Variants in HTRA3 observed in about 807,000 individuals in gnomAD.
HTRA3 encodes serine protease HTRA3.
In HTRA3, 41 loss-of-function variants were observed where a neutral mutation model predicts 43.2. The ratio of observed to expected loss-of-function variants is 0.95; its 90% CI spans 0.74 to 1.23. The LOEUF is 1.23. Among genes scored for constraint, HTRA3 ranks in the 50% most tolerant of loss-of-function variants. The probability of loss-of-function intolerance (pLI) is 0.00; values close to 1 mark genes in which losing one functional copy is unlikely to be tolerated. For missense variants in HTRA3, 628 were observed against 647.1 expected (o/e 0.97, Z 0.32); for synonymous variants, 295 against 287.9 (o/e 1.02, Z -0.25).
intron 5 of HTRA3, among the ~76,000 whole-genome samples, chr4:8,292,889 A>G (rs1325425048): frequency 6.6e-6 from 1 of 152,214 alleles, no homozygotes; most frequent in Non-Finnish European, 1.5e-5. Context: ...CCCAAGCACC[A>G]TGTGAGCCAC....
At chr4:8,289,620 C>T (rs375661250) in intron 3 of HTRA3, among the ~76,000 whole-genome samples, 3 of 152,250 alleles carry the variant, frequency 2.0e-5, no homozygotes, top group African/African-American at 7.2e-5. Context: ...TAGTGTGATT[C>T]ATGTCCTGCA....
rs192369292 is a variant in HTRA3, at chr4:8,288,853, G to A, written c.708+2070G>A. Among the ~76,000 whole-genome samples, 10 of 149,496 alleles carry A rather than the reference G, an allele frequency of 6.7e-5. No individual in the cohort carries two copies. The East Asian group carries it at 2.0e-3, about 30-fold the overall frequency. Reference sequence around the variant, plus strand: ...CCCAAAGTGCTAGGATTACAGGAATGAGCCACTGCACCCCACCCCCAAATT... The same window carrying A: ...CCCAAAGTGCTAGGATTACAGGAATAAGCCACTGCACCCCACCCCCAAATT... On this transcript the variant is annotated intron_variant, in intron 3 of 8. Transcript: ENST00000307358.
At chr4:8,290,710 G>C (rs1713198605) in intron 3 of HTRA3, among the ~76,000 whole-genome samples, 2 of 152,226 alleles carry the variant, frequency 1.3e-5, no homozygotes, top group South Asian at 2.1e-4. Context: ...CACAGAGCTT[G>C]GCTGTTCTCC....
Position 8,286,445 on chromosome 4 carries a change from G to T in HTRA3, c.486-116G>T. 1.2e-6 allele frequency: 1 copy of T among 842,740 alleles called. No homozygotes were observed. 52.2% of individuals were successfully genotyped at this position (842,740 alleles called of 1,614,324 possible). A position where few individuals can be genotyped will look rare whatever the true frequency, so the allele number is the denominator to read the frequency against. On this transcript the variant is annotated intron_variant, in intron 2 of 8. Coordinates refer to ENST00000307358, the MANE Select transcript of HTRA3 (RefSeq NM_053044.5). The surrounding 1 kb of genome is among the most constrained non-coding windows in gnomAD (Gnocchi z 4.9). ...TGGGAGCTTGAGGGACTCCAGACCT[G>T]TGTTCTGTCAGCCACACACTGGCTC...
intron 6 of HTRA3, among the ~76,000 whole-genome samples, chr4:8,298,454 T>C (rs1713531300): frequency 6.6e-6 from 1 of 152,232 alleles, no homozygotes; most frequent in Non-Finnish European, 1.5e-5. Flanking sequence ...GTCTGTGGCT[T>C]GTCTTTTTCA....
At chr4:8,303,776 C>CCGTTCCGTGACTCAGCATTGTCTGTA (rs1277644362) in intron 7 of HTRA3, among the ~76,000 whole-genome samples, 3 of 152,062 alleles carry the variant, frequency 2.0e-5, no homozygotes, top group African/African-American at 7.2e-5. Context: ...CATTGTCTGT[C>CCGTTCCGTGACTCAGCATTGTCTGTA]CGTTCCGTGA....
chr4:8,299,559 TG>T, intron 6 of HTRA3, among the ~76,000 whole-genome samples: 1 of 152,318 alleles, frequency 6.6e-6, no homozygotes, highest in Non-Finnish European at 1.5e-5. Flanking sequence ...TTCGTGATCT[TG>T]GGGAGAAAAC....
intron 1 of HTRA3, among the ~76,000 whole-genome samples, chr4:8,281,374 CTGGGTGGG>C (rs1207254958): frequency 6.6e-6 from 1 of 152,092 alleles, no homozygotes; most frequent in Non-Finnish European, 1.5e-5. Context: ...GCCAAGGTGG[CTGGGTGGG>C]TGGGTAGCCC....
chr4:8,270,087 C>T lies in HTRA3; in HGVS notation c.119C>T (p.Pro40Leu), dbSNP rs751713751. Reference sequence around the variant, plus strand: ...TCGCGGTGTCCCAGCCCCCGCTGCCCCGGCGGCTACGTGCCCGACCTCTGC... The same window carrying T: ...TCGCGGTGTCCCAGCCCCCGCTGCCTCGGCGGCTACGTGCCCGACCTCTGC... Reference protein sequence around the residue: ...DVSRCPSPRCPGGYVPDLCNC... With the variant: ...DVSRCPSPRCLGGYVPDLCNC... Residue 40 changes from proline to leucine, a missense_variant, in exon 1 of 9, where the codon CCC becomes CTC. Transcript: ENST00000307358. 6.5e-7 allele frequency: 1 copy of T among 1,529,904 alleles called. No homozygotes were observed. The highest frequency in any genetic ancestry group is 8.7e-7 in the Non-Finnish European group (1 of 1,150,050). The allele number at this position is 1,529,904 out of a possible 1,614,324, so 94.8% of individuals were successfully genotyped here.
At chr4:8,290,414 C>G (rs1713187487) in intron 3 of HTRA3, among the ~76,000 whole-genome samples, 1 of 152,262 alleles carries the variant, frequency 6.6e-6, no homozygotes, top group Non-Finnish European at 1.5e-5. Context: ...GCATGGGGTC[C>G]TGCCCCACTG....
intron 2 of HTRA3, among the ~76,000 whole-genome samples, chr4:8,285,051 C>T (rs1399212894): frequency 6.6e-6 from 1 of 152,110 alleles, no homozygotes; most frequent in Non-Finnish European, 1.5e-5. Flanking sequence ...TAGTGTTTTC[C>T]GCAGTCCTTG....
At position 8,297,518 on chromosome 4, in the gene HTRA3, G is replaced by A. The variant is rs139280746; in HGVS notation, c.1051+3317G>A. 3.8e-4 allele frequency among the ~76,000 whole-genome samples: 58 copies of A among 152,278 alleles called. No homozygotes were observed. Among genetic ancestry groups the A allele is most frequent in the African/African-American group, 1.4e-3 (57 of 41,562 alleles). ...ACGCCCCCAGATGCCACAGATCAAA[G>A]TGAGGGGTGCTGGGAGGAGGCTGGG... is the stretch of plus-strand genomic sequence containing the variant. On this transcript the variant is annotated intron_variant, in intron 6 of 8. Coordinates refer to ENST00000307358, the MANE Select transcript of HTRA3 (RefSeq NM_053044.5). The surrounding 1 kb of genome is among the most constrained non-coding windows in gnomAD (Gnocchi z 5.8).
intron 1 of HTRA3, among the ~76,000 whole-genome samples, chr4:8,280,712 G>A (rs114297904): frequency 0.011 from 1,698 of 148,972 alleles, 32 homozygotes; most frequent in African/African-American, 0.04. Flanking sequence ...GCAGTGGTTT[G>A]ATCTATGAGG....
Position 8,286,660 on chromosome 4 carries a change from C to A in HTRA3, c.585C>A (p.Ser195Arg), listed in dbSNP as rs375393668. 4 of 1,614,084 alleles carry A rather than the reference C, an allele frequency of 2.5e-6. No homozygotes were observed. Among genetic ancestry groups the A allele is most frequent in the Non-Finnish European group, 3.4e-6 (4 of 1,180,050 alleles). Reference protein sequence around the residue: ...LIITNAHVVSSNSAAPGRQQL... With the variant: ...LIITNAHVVSRNSAAPGRQQL... ...TCACCAATGCCCACGTGGTGTCCAG[C>A]AACAGTGCTGCCCCGGGCAGGCAGC... The change falls in exon 3 of 9, where the codon AGC becomes AGA. Residue 195 changes from serine (S) to arginine (R), a missense_variant. Ser to Arg is a moderately radical substitution (Grantham distance 110, BLOSUM62 -1). Coordinates refer to ENST00000307358, the MANE Select transcript of HTRA3 (RefSeq NM_053044.5). This position sits in a 1 kb window ranked among gnomAD's most constrained non-coding sequence, Gnocchi z 4.9.
intron 3 of HTRA3, 24 bp from the exon 4 acceptor site, chr4:8,291,344 CTG>C (rs1314231239): frequency 1.2e-6 from 2 of 1,603,702 alleles, no homozygotes; most frequent in Non-Finnish European, 1.7e-6. Flanking sequence ...GCCTCCCTCT[CTG>C]TGTCTTCTCC....
At position 8,306,339 on chromosome 4, in the gene HTRA3, G is replaced by T. The variant is rs1052083219; in HGVS notation, c.*203G>T. 3 of 560,690 alleles carry T rather than the reference G, an allele frequency of 5.4e-6. No homozygotes were observed. Among genetic ancestry groups the T allele is most frequent in the Non-Finnish European group, 9.3e-6 (3 of 322,562 alleles). The allele number at this position is 560,690 out of a possible 1,614,324, so 34.7% of individuals were successfully genotyped here. The stretch of plus-strand genomic sequence containing the variant: ...TGTTGGATCCACATCCCGGTGCCGG[G>T]GAGGGAAGCCCAACATCCCCTTGTA... On this transcript the variant is annotated 3_prime_UTR_variant, in exon 9 of 9. Transcript: ENST00000307358. The surrounding 1 kb of genome is among the most constrained non-coding windows in gnomAD (Gnocchi z 8.9).
chr4:8,284,055 A>G (rs944610536), intron 2 of HTRA3, among the ~76,000 whole-genome samples: 14 of 152,106 alleles, frequency 9.2e-5, no homozygotes, highest in Admixed American at 6.5e-4. Flanking sequence ...TCAGCATCAC[A>G]TCCTCCACAC....
chr4:8,273,034 C>T (rs569366094), intron 1 of HTRA3, among the ~76,000 whole-genome samples: 15 of 152,342 alleles, frequency 9.8e-5, no homozygotes, highest in South Asian at 4.1e-4. Context: ...TCATTTCCCA[C>T]GGCAAGCCTG....
intron 1 of HTRA3, among the ~76,000 whole-genome samples, chr4:8,276,645 C>T (rs1246543660): frequency 2.6e-5 from 4 of 152,256 alleles, no homozygotes; most frequent in Non-Finnish European, 5.9e-5. Flanking sequence ...TGGTAAATCA[C>T]AGGCAGGCTG....
Sources: gnomAD v4.1 joint callset for allele counts (sites outside exome capture counted in the v4.1 genomes callset) on GRCh38, gnomAD v4.1.1 for gene constraint, Gnocchi (gnomAD v3.1) non-coding constraint, MANE v1.5 for transcripts, NCBI Gene and HGNC (gene_info 2026-07-23, HGNC 2026-07-21) for gene names.